Variants in SMIM23 observed in about 807,000 individuals in gnomAD.
SMIM23 encodes the protein small integral membrane protein 23, also known as CTB-78H18.1.
Under a neutral mutation model 12.8 loss-of-function variants are expected in SMIM23, and 10 were observed. The observed-to-expected ratio is 0.78, with a 90% CI of 0.48 to 1.32. The LOEUF (loss-of-function observed/expected upper bound fraction) is 1.32, where lower values mean the gene tolerates loss of function less well. Among genes scored for constraint, SMIM23 ranks in the 40% most tolerant of loss-of-function variants. The probability of loss-of-function intolerance (pLI) is 0.00; values close to 1 mark genes in which losing one functional copy is unlikely to be tolerated. For missense variants in SMIM23, 184 were observed against 198.2 expected (o/e 0.93, Z 0.43); for synonymous variants, 78 against 80.1 (o/e 0.97, Z 0.14).
chr5:171,773,964 T>C, the SMIM23 span: 1 of 398,204 alleles, frequency 2.5e-6, no homozygotes, highest in South Asian at 1.9e-5. Flanking sequence ...GAATGGTGAG[T>C]AGAATTTACA....
upstream of SMIM23, among the ~76,000 whole-genome samples, chr5:171,777,874 C>A (rs1581068727): frequency 6.6e-6 from 1 of 152,198 alleles, no homozygotes; most frequent in Non-Finnish European, 1.5e-5. Context: ...AAGCCTCCAG[C>A]CTCCTCCCTA....
chr5:171,787,667 T>A (rs759625776), intron 1 of SMIM23, among the ~76,000 whole-genome samples: 1 of 152,224 alleles, frequency 6.6e-6, no homozygotes, highest in Non-Finnish European at 1.5e-5. Context: ...AGGACCCTAA[T>A]ATTACATGTA....
At chr5:171,773,500 C>T in the SMIM23 span, among the ~76,000 whole-genome samples, 1 of 152,012 alleles carries the variant, frequency 6.6e-6, no homozygotes, top group African/African-American at 2.4e-5. Context: ...CCACACAGCC[C>T]CAGACAGGAG....
At chr5:171,781,798 G>A (rs529364026), upstream of SMIM23, among the ~76,000 whole-genome samples, 1 of 152,116 alleles carries the variant, frequency 6.6e-6, no homozygotes, top group South Asian at 2.1e-4. Flanking sequence ...GGTCGAGTGG[G>A]GACTTCCAGA....
upstream of SMIM23, among the ~76,000 whole-genome samples, chr5:171,777,857 G>A (rs1382878248): frequency 6.6e-6 from 1 of 152,170 alleles, no homozygotes; most frequent in African/African-American, 2.4e-5. Context: ...CACTTCAAGA[G>A]CAGCAGAAGC....
At chr5:171,776,377 C>T in the SMIM23 span, among the ~76,000 whole-genome samples, 71 of 152,294 alleles carry the variant, frequency 4.7e-4, no homozygotes, top group Admixed American at 3.1e-3. Context: ...TTCACTTTCA[C>T]GTACATCGTC....
At chr5:171,781,547 G>A (rs1263088093), upstream of SMIM23, among the ~76,000 whole-genome samples, 4 of 127,060 alleles carry the variant, frequency 3.1e-5, no homozygotes, top group East Asian at 2.3e-4. Context: ...GCCCCCCCCC[G>A]TCTCTAGAGC....
upstream of SMIM23, among the ~76,000 whole-genome samples, chr5:171,782,026 A>C (rs1309983976): frequency 2.6e-5 from 4 of 152,254 alleles, no homozygotes; most frequent in Non-Finnish European, 5.9e-5. Flanking sequence ...TGGCCTCTGC[A>C]GCCAGCAGTG....
At chr5:171,782,192 G>A (rs1018272713), upstream of SMIM23, among the ~76,000 whole-genome samples, 3 of 152,202 alleles carry the variant, frequency 2.0e-5, no homozygotes, top group Admixed American at 6.5e-5. Flanking sequence ...TCAGCGAGAC[G>A]GTGAAGCCAC....
chr5:171,787,441 A>G (rs1755839469), intron 1 of SMIM23, among the ~76,000 whole-genome samples: 1 of 152,240 alleles, frequency 6.6e-6, no homozygotes, highest in South Asian at 2.1e-4. Context: ...ATCCTAGTCC[A>G]TGTTCCTCCC....
intron 2 of SMIM23, 41 bp downstream of exon 2, chr5:171,790,322 C>T: frequency 1.3e-6 from 2 of 1,533,108 alleles, no homozygotes; most frequent in Non-Finnish European, 1.7e-6. Flanking sequence ...ACCAAATCCA[C>T]ATGAAGCTTG....
At chr5:171,784,721 C>T (rs945987441), upstream of SMIM23, among the ~76,000 whole-genome samples, 1 of 152,136 alleles carries the variant, frequency 6.6e-6, no homozygotes, top group African/African-American at 2.4e-5. Flanking sequence ...TACCCAAAAA[C>T]ATGTACAAGC....
chr5:171,779,043 C>T (rs1294190954), upstream of SMIM23, among the ~76,000 whole-genome samples: 1 of 152,178 alleles, frequency 6.6e-6, no homozygotes, highest in East Asian at 1.9e-4. Context: ...CAGAGCAGGG[C>T]TGTTTCGAGG....
chr5:171,790,101 GAACAAAAGTTA>G, intron 1 of SMIM23, 118 bp from the exon 2 acceptor site: 3 of 868,366 alleles, frequency 3.5e-6, no homozygotes, highest in Non-Finnish European at 5.4e-6. Flanking sequence ...TAGATAACTA[GAACAAAAGTTA>G]AACTCAAAAA....
Position 171,791,033 on chromosome 5 carries a change from A to C in SMIM23, c.464A>C (p.Glu155Ala), listed in dbSNP as rs1755916353. 1 of 1,532,248 alleles carries C rather than the reference A, an allele frequency of 6.5e-7. No individual in the cohort carries two copies. The highest frequency in any genetic ancestry group is 8.7e-7 in the Non-Finnish European group (1 of 1,145,374). The allele number at this position is 1,532,248 out of a possible 1,614,324, so 94.9% of individuals were successfully genotyped here. ...GAGTGGGCCTGGGCCCTGGGGAGAG[A>C]GCACAAAGGTGGGGAGGGGTTGCTA... The part of the protein sequence containing the change: ...LWEWAWALGR[E>A]HKGGEGLLEI... The change falls in exon 4 of 4, where the codon GAG (glutamate) becomes GCG (alanine). Residue 155 changes from glutamate (E) to alanine (A), a missense_variant. Coordinates refer to ENST00000523047, the MANE Select transcript of SMIM23 (RefSeq NM_001289970.2).
chr5:171,773,796 C>T, the SMIM23 span: 1 of 456,134 alleles, frequency 2.2e-6, no homozygotes, highest in Non-Finnish European at 4.4e-6. Context: ...GCTCATTCTT[C>T]AAGAAAAGCC....
intron 3 of SMIM23, 112 bp from the exon 4 acceptor site, chr5:171,790,683 C>A: frequency 7.2e-7 from 1 of 1,387,078 alleles, no homozygotes; most frequent in South Asian, 1.3e-5. Context: ...GTACTACGAG[C>A]ACAATGAGTA....
upstream of SMIM23, among the ~76,000 whole-genome samples, chr5:171,784,818 A>G (rs192846872): frequency 4.2e-3 from 645 of 152,350 alleles, 4 homozygotes; most frequent in African/African-American, 0.015. Flanking sequence ...TCATTATGGC[A>G]TACACATATC....
upstream of SMIM23, among the ~76,000 whole-genome samples, chr5:171,781,259 C>CT (rs1581070534): frequency 1.3e-5 from 2 of 152,190 alleles, no homozygotes; most frequent in East Asian, 3.8e-4. Flanking sequence ...GACATAGATG[C>CT]TGCAGTTGTG....
Sources: gnomAD v4.1 joint callset for allele counts (sites outside exome capture counted in the v4.1 genomes callset) on GRCh38, gnomAD v4.1.1 for gene constraint, MANE v1.5 for transcripts, NCBI Gene and HGNC (gene_info 2026-07-23, HGNC 2026-07-21) for gene names.